The following RB1 variants were observed in gnomAD, a reference collection of about 807,000 sequenced individuals.
RB1 encodes the protein RB transcriptional corepressor 1.
Under a neutral mutation model 135.4 loss-of-function variants are expected in RB1, and 18 were observed. The ratio of observed to expected loss-of-function variants is 0.13; its 90% CI spans 0.09 to 0.20. The LOEUF (loss-of-function observed/expected upper bound fraction) is 0.20, where lower values mean the gene tolerates loss of function less well. Ranked by LOEUF, RB1 falls within the 10% of genes least tolerant of loss-of-function variation. The pLI is 1.00. For missense variants in RB1, 868 were observed against 1,110.0 expected (o/e 0.78, Z 3.10); for synonymous variants, 365 against 373.2 (o/e 0.98, Z 0.25).
At chr13:48,445,426 AC>A (rs1949278837) in intron 17 of RB1, among the ~76,000 whole-genome samples, 1 of 152,046 alleles carries the variant, frequency 6.6e-6, no homozygotes, top group Non-Finnish European at 1.5e-5. Context: ...TCATACAGCA[AC>A]CTCTTCTTTA....
chr13:48,448,807 T>C (rs936593264), intron 17 of RB1, among the ~76,000 whole-genome samples: 1 of 152,242 alleles, frequency 6.6e-6, no homozygotes, highest in Non-Finnish European at 1.5e-5. Context: ...CTTCATGTGA[T>C]GTATCATGTA....
chr13:48,462,441 G>A (rs2138340920), intron 20 of RB1, among the ~76,000 whole-genome samples: 1 of 152,144 alleles, frequency 6.6e-6, no homozygotes, highest in East Asian at 1.9e-4. Context: ...TTTTTTAATA[G>A]AGTTATTTGT....
At chr13:48,329,075 AT>A (rs1446718812) in intron 2 of RB1, among the ~76,000 whole-genome samples, 2 of 152,188 alleles carry the variant, frequency 1.3e-5, no homozygotes, top group Non-Finnish European at 2.9e-5. Flanking sequence ...TCTCTTATGT[AT>A]TCAACTATAA....
In RB1 at chr13:48,305,102, C is replaced by T. The variant is rs187117523; in HGVS notation, c.137+1053C>T. ...AGTGTAATTGTCATTATTGTCAGCA[C>T]TGGTTCTACTTTGAGACAAGTTCAT... On this transcript the variant is annotated intron_variant, in intron 1 of 26. Coordinates refer to ENST00000267163, the MANE Select transcript of RB1 (RefSeq NM_000321.3). Among the ~76,000 whole-genome samples, 3 of 152,178 alleles carry T rather than the reference C, an allele frequency of 2.0e-5. No homozygotes were observed. The East Asian group carries it at 5.8e-4, about 29-fold the overall frequency.
Position 48,303,775 on chromosome 13 carries a change from T to G in RB1, c.-138T>G. The G allele has an allele frequency of 7.6e-7, 1 of 1,310,628 alleles. No individual in the cohort carries two copies. Among genetic ancestry groups the G allele is most frequent in the Non-Finnish European group, 1.0e-6 (1 of 987,522 alleles). 81.2% of individuals were successfully genotyped at this position (1,310,628 alleles called of 1,614,324 possible). A position where few individuals can be genotyped will look rare whatever the true frequency, so the allele number is the denominator to read the frequency against. ...CAGTTGCCGGGCGGGGGAGGGCGCG[T>G]CCGGTTTTTCTCAGGGGACGTTGAA... On this transcript the variant is annotated 5_prime_UTR_variant, in exon 1 of 27. Coordinates refer to ENST00000267163, the MANE Select transcript of RB1 (RefSeq NM_000321.3).
rs549585923 is a variant in RB1 at position 48,472,335 on chromosome 13, A to G, written c.2490-1025A>G. ...AATATGAAGTAAGAAATAATTGGCA[A>G]TATGATACAAATGCTCTCATGTGTC... On this transcript the variant is annotated intron_variant, in intron 23 of 26. Coordinates refer to ENST00000267163, the MANE Select transcript of RB1 (RefSeq NM_000321.3). 3.9e-5 allele frequency among the ~76,000 whole-genome samples: 6 copies of G among 152,268 alleles called. No homozygotes were observed. In the South Asian group the frequency reaches 1.2e-3, roughly 32 times the overall value.
chr13:48,330,170 G>A (rs1447930724), intron 2 of RB1, among the ~76,000 whole-genome samples: 1 of 151,670 alleles, frequency 6.6e-6, no homozygotes, highest in Non-Finnish European at 1.5e-5. Context: ...GTGGAATGCA[G>A]CAAAACAGTT....
chr13:48,359,157 G>A (rs953900801), intron 6 of RB1, among the ~76,000 whole-genome samples: 5 of 151,832 alleles, frequency 3.3e-5, no homozygotes, highest in African/African-American at 9.7e-5. Context: ...ATTTGTAATA[G>A]CTGTGTTTTA....
At chr13:48,321,386 C>T (rs1320777599) in intron 2 of RB1, among the ~76,000 whole-genome samples, 3 of 146,198 alleles carry the variant, frequency 2.1e-5, no homozygotes, top group Non-Finnish European at 3.0e-5. Flanking sequence ...CCGCCCGGGC[C>T]CCGCCTCCCC....
intron 17 of RB1, among the ~76,000 whole-genome samples, chr13:48,402,417 T>G (rs1468085691): frequency 7.5e-6 from 1 of 133,448 alleles, no homozygotes; most frequent in Non-Finnish European, 1.6e-5. Context: ...CACTCTGTTT[T>G]CCCAGGCTGG....
intron 23 of RB1, among the ~76,000 whole-genome samples, chr13:48,472,001 G>C (rs1949473954): frequency 6.6e-6 from 1 of 152,190 alleles, no homozygotes; most frequent in Non-Finnish European, 1.5e-5. Context: ...ATGAAAGGTT[G>C]TATGCAACTA....
At chr13:48,361,236 T>C (rs1952636561) in intron 7 of RB1, among the ~76,000 whole-genome samples, 1 of 152,164 alleles carries the variant, frequency 6.6e-6, no homozygotes, top group Non-Finnish European at 1.5e-5. Context: ...TCTTTGTTCT[T>C]TTGGATAATT....
intron 2 of RB1, chr13:48,317,040 G>T: frequency 1.5e-6 from 1 of 672,766 alleles, no homozygotes; most frequent in South Asian, 2.3e-5. Flanking sequence ...CCTCCTGTCG[G>T]GCAAACTCCG....
chr13:48,322,674 C>T (rs1952251661), intron 2 of RB1, among the ~76,000 whole-genome samples: 1 of 151,980 alleles, frequency 6.6e-6, no homozygotes, highest in Non-Finnish European at 1.5e-5. Flanking sequence ...TTTGTAGATG[C>T]CTTTCATCAG....
At chr13:48,337,797 T>A (rs948602854) in intron 2 of RB1, among the ~76,000 whole-genome samples, 38 of 152,224 alleles carry the variant, frequency 2.5e-4, no homozygotes, top group Non-Finnish European at 1.0e-4. Context: ...CAATTTGGCA[T>A]GTTTTTGCAG....
chr13:48,417,771 G>T (rs1457200349), intron 17 of RB1, among the ~76,000 whole-genome samples: 6 of 152,250 alleles, frequency 3.9e-5, no homozygotes, highest in South Asian at 2.1e-4. Flanking sequence ...CAGAAGAAAG[G>T]ATATCAGAGA....
intron 2 of RB1, among the ~76,000 whole-genome samples, chr13:48,322,961 T>C (rs999723854): frequency 2.0e-4 from 30 of 152,146 alleles, no homozygotes; most frequent in African/African-American, 7.0e-4. Context: ...TTATAAGAGA[T>C]TTTGGTCTTT....
chr13:48,330,471 A>G (rs190401169), intron 2 of RB1, among the ~76,000 whole-genome samples: 231 of 152,322 alleles, frequency 1.5e-3, no homozygotes, highest in Non-Finnish European at 3.0e-3. Context: ...CAGGAATGAA[A>G]GAGGAGACAT....
At chr13:48,376,139 A>G (rs1952820010) in intron 12 of RB1, among the ~76,000 whole-genome samples, 1 of 152,090 alleles carries the variant, frequency 6.6e-6, no homozygotes, top group South Asian at 2.1e-4. Flanking sequence ...CAATTTCCCT[A>G]TCTTGTATTT....
Sources: gnomAD v4.1 joint callset for allele counts (sites outside exome capture counted in the v4.1 genomes callset) on GRCh38, gnomAD v4.1.1 for gene constraint, MANE v1.5 for transcripts, NCBI Gene and HGNC (gene_info 2026-07-23, HGNC 2026-07-21) for gene names.